DOP1B: variants seen among roughly 807,000 people sequenced by gnomAD.
DOP1B encodes protein DOP1B.
In DOP1B, 174 loss-of-function variants were observed where a neutral mutation model predicts 233.5. That is an observed-to-expected ratio of 0.75 (90% CI 0.66 to 0.85). DOP1B has a LOEUF of 0.85. Ranked by LOEUF, DOP1B falls within the 40% of genes least tolerant of loss-of-function variation. The probability of loss-of-function intolerance (pLI) is 0.00; values close to 1 mark genes in which losing one functional copy is unlikely to be tolerated. For synonymous variants in DOP1B, 1,190 were observed against 1,185.6 expected (o/e 1.00, Z -0.08); for missense variants, 2,652 against 2,846.6 (o/e 0.93, Z 1.56).
chr21:36,196,806 G>C (rs546549398), intron 2 of DOP1B, among the ~76,000 whole-genome samples: 4 of 152,282 alleles, frequency 2.6e-5, no homozygotes, highest in African/African-American at 9.6e-5. Context: ...TGCAGTCCCA[G>C]CTATTCAGGA....
chr21:36,216,576 A>G (rs1373394514), intron 9 of DOP1B, among the ~76,000 whole-genome samples: 1 of 152,108 alleles, frequency 6.6e-6, no homozygotes, highest in Non-Finnish European at 1.5e-5. Context: ...GCACCATTGC[A>G]CTCCAGCCTG....
chr21:36,284,567 C>CCA (rs1200542491), intron 32 of DOP1B, among the ~76,000 whole-genome samples: 1 of 152,062 alleles, frequency 6.6e-6, no homozygotes, highest in Non-Finnish European at 1.5e-5. Context: ...CTGCGCCCAG[C>CCA]CCTGTTCCTT....
intron 2 of DOP1B, among the ~76,000 whole-genome samples, chr21:36,198,705 A>T (rs1476213030): frequency 6.6e-6 from 1 of 152,176 alleles, no homozygotes; most frequent in Non-Finnish European, 1.5e-5. Context: ...ACCATCTCCA[A>T]CTGGTAGAAA....
At chr21:36,241,697 T>C (rs537230139) in intron 18 of DOP1B, among the ~76,000 whole-genome samples, 28 of 136,218 alleles carry the variant, frequency 2.1e-4, no homozygotes, top group African/African-American at 6.3e-4. Context: ...TTCTTTCTTT[T>C]TTTTTTTTTT....
At chr21:36,284,268 T>TA (rs56731856) in intron 32 of DOP1B, among the ~76,000 whole-genome samples, 1 of 118,172 alleles carries the variant, frequency 8.5e-6, no homozygotes. Flanking sequence ...CTTCTTTCTT[T>TA]TTTTTTTTTT....
intron 2 of DOP1B, among the ~76,000 whole-genome samples, chr21:36,186,018 C>T (rs989942293): frequency 6.6e-6 from 1 of 152,100 alleles, no homozygotes; most frequent in African/African-American, 2.4e-5. Context: ...GCCTGGCCAA[C>T]GTGGTGAAAC....
intron 26 of DOP1B, among the ~76,000 whole-genome samples, chr21:36,269,161 T>C (rs963580711): frequency 1.3e-5 from 2 of 152,168 alleles, no homozygotes; most frequent in African/African-American, 4.8e-5. Flanking sequence ...GTTGTTTTTG[T>C]TTTTTCTTTT....
In DOP1B at chr21:36,288,005, T is replaced by C. The variant is rs369833406; in HGVS notation, c.6161-9T>C. 151 of 1,609,784 alleles carry C rather than the reference T, an allele frequency of 9.4e-5. No individual in the cohort carries two copies. Among genetic ancestry groups the C allele is most frequent in the Non-Finnish European group, 1.3e-4 (148 of 1,179,086 alleles). On this transcript the variant is annotated splice_polypyrimidine_tract_variant and intron_variant, in intron 32 of 36. Transcript: ENST00000691173. ...TTTGTGTAACATCTTTACAATCTTC[T>C]TTCCTTAGAACGCCTGACAGACAAT...
chr21:36,260,973 G>A, intron 24 of DOP1B: 1 of 1,254,158 alleles, frequency 8.0e-7, no homozygotes. Context: ...AGCTTTATGT[G>A]AGGCCTGTTA....
intron 2 of DOP1B, among the ~76,000 whole-genome samples, chr21:36,193,541 G>A (rs1254650196): frequency 6.6e-6 from 1 of 152,176 alleles, no homozygotes; most frequent in Non-Finnish European, 1.5e-5. Flanking sequence ...AGCTGCCACA[G>A]GGAGGAAGGT....
intron 2 of DOP1B, among the ~76,000 whole-genome samples, chr21:36,171,224 C>T (rs936008492): frequency 4.6e-5 from 7 of 152,112 alleles, no homozygotes; most frequent in Non-Finnish European, 7.4e-5. Context: ...GTATAGCTTA[C>T]GTAAGGGGAA....
intron 2 of DOP1B, among the ~76,000 whole-genome samples, chr21:36,182,534 G>GT (rs1218853951): frequency 1.3e-5 from 2 of 152,116 alleles, no homozygotes; most frequent in Non-Finnish European, 2.9e-5. Context: ...GGAAAGATAG[G>GT]TTAAGAGTCA....
intron 11 of DOP1B, 39 bp from the exon 12 acceptor site, chr21:36,225,526 T>A: frequency 6.2e-7 from 1 of 1,611,210 alleles, no homozygotes. Context: ...CCTCCATGCC[T>A]GGCCAAAGAA....
chr21:36,178,674 A>G (rs2066059803), intron 2 of DOP1B, among the ~76,000 whole-genome samples: 1 of 152,170 alleles, frequency 6.6e-6, no homozygotes, highest in South Asian at 2.1e-4. Flanking sequence ...ACTAAGTTAA[A>G]CTTGTATTTT....
At position 36,201,459 on chromosome 21, in the gene DOP1B, C is replaced by T. The variant is rs182907462; in HGVS notation, c.491+958C>T. Among the ~76,000 whole-genome samples, 65 of 146,210 alleles carry T rather than the reference C, an allele frequency of 4.4e-4. No individual in the cohort carries two copies. The Middle Eastern group carries it at 0.014, about 33-fold the overall frequency. On this transcript the variant is annotated intron_variant, in intron 4 of 36. Coordinates refer to ENST00000691173, the MANE Select transcript of DOP1B (RefSeq NM_001320714.2). ...GCCTCCTGGGTTCAAGTGATTCTCC[C>T]GCCGCAGCCTCCCAAGTAGCCAAGA...
intron 23 of DOP1B, among the ~76,000 whole-genome samples, chr21:36,258,268 G>C (rs1383248978): frequency 6.6e-6 from 1 of 152,132 alleles, no homozygotes; most frequent in South Asian, 2.1e-4. Context: ...AAATTAGCCA[G>C]GCATGGTATG....
intron 2 of DOP1B, among the ~76,000 whole-genome samples, chr21:36,176,097 C>CGTGTGCGTGTGTGTGTGT (rs375729449): frequency 0.025 from 3,580 of 141,808 alleles, 57 homozygotes; most frequent in Non-Finnish European, 0.038. Flanking sequence ...GGTGTGTGTG[C>CGTGTGCGTGTGTGTGTGT]GTGTGTGTGT....
chr21:36,166,431 C>T (rs998376654), intron 2 of DOP1B, among the ~76,000 whole-genome samples: 35 of 150,104 alleles, frequency 2.3e-4, no homozygotes, highest in African/African-American at 7.3e-4. Context: ...AGCAAGACTC[C>T]GTCTCAAAAA....
chr21:36,175,173 C>T (rs976186880), intron 2 of DOP1B, among the ~76,000 whole-genome samples: 3 of 151,550 alleles, frequency 2.0e-5, no homozygotes, highest in African/African-American at 7.3e-5. Context: ...TGCAGTAGCA[C>T]GATCTTGGCT....
Sources: allele counts gnomAD v4.1 joint callset (sites outside exome capture counted in the v4.1 genomes callset), GRCh38; gene constraint gnomAD v4.1.1; transcripts MANE v1.5; gene names NCBI Gene and HGNC (gene_info 2026-07-23, HGNC 2026-07-21).